Variants in ANKRD10 observed in about 807,000 individuals in gnomAD.
The protein encoded by ANKRD10 is ankyrin repeat domain 10.
Under a neutral mutation model 27.0 loss-of-function variants are expected in ANKRD10, and 14 were observed. The observed-to-expected ratio is 0.52, with a 90% CI of 0.34 to 0.81. The LOEUF is 0.81. Among genes scored for constraint, ANKRD10 ranks in the 40% least tolerant of loss-of-function variants. The pLI, the probability that ANKRD10 is intolerant of heterozygous loss-of-function variation, is 0.01. For missense variants in ANKRD10, 493 were observed against 544.0 expected, an observed-to-expected ratio of 0.91 and a Z score of 0.93; for synonymous variants, 250 against 224.5, an observed-to-expected ratio of 1.11 and a Z score of -1.01.
chr13:110,882,621 G>A (rs1300400581), intron 5 of ANKRD10, among the ~76,000 whole-genome samples: 1 of 152,194 alleles, frequency 6.6e-6, no homozygotes, highest in African/African-American at 2.4e-5. Flanking sequence ...CAGGATTTGA[G>A]TTTTGTTATG....
intron 4 of ANKRD10, among the ~76,000 whole-genome samples, chr13:110,887,299 G>GA (rs1242604026): frequency 6.6e-6 from 1 of 152,164 alleles, no homozygotes; most frequent in East Asian, 1.9e-4. Context: ...TTGAAACCAT[G>GA]AAAAAAGTCT....
intron 3 of ANKRD10, chr13:110,905,010 A>G (rs1217359370): frequency 6.6e-6 from 1 of 152,258 alleles, no homozygotes; most frequent in Non-Finnish European, 1.5e-5. Context: ...AATGAAATGG[A>G]AACCAAAGGG....
At chr13:110,885,294 T>C (rs1333852381) in intron 4 of ANKRD10, among the ~76,000 whole-genome samples, 8 of 151,962 alleles carry the variant, frequency 5.3e-5, no homozygotes, top group African/African-American at 1.7e-4. Flanking sequence ...GGCTCATGCC[T>C]GTAATCCCAG....
At chr13:110,894,970 T>A (rs1320022440) in intron 3 of ANKRD10, 1 of 152,332 alleles carries the variant, frequency 6.6e-6, no homozygotes, top group South Asian at 2.1e-4. Flanking sequence ...GACTTTTTTT[T>A]AATGGTATAT....
chr13:110,906,660 G>T (rs888837353), intron 2 of ANKRD10, among the ~76,000 whole-genome samples: 1 of 152,020 alleles, frequency 6.6e-6, no homozygotes, highest in African/African-American at 2.4e-5. Flanking sequence ...GATGGCTTGA[G>T]GTTCAACAGT....
chr13:110,890,204 GGTCA>G (rs1460493185), intron 4 of ANKRD10, among the ~76,000 whole-genome samples: 1 of 151,928 alleles, frequency 6.6e-6, no homozygotes, highest in Non-Finnish European at 1.5e-5. Context: ...CTAAAAAACT[GGTCA>G]GTTAATATGG....
chr13:110,893,363 TAAACAAATTCA>T, intron 3 of ANKRD10, 100 bp from the exon 4 acceptor site: 1 of 1,110,060 alleles, frequency 9.0e-7, no homozygotes, highest in East Asian at 2.6e-5. Context: ...TATGAAAGAG[TAAACAAATTCA>T]TAGCAAATCT....
chr13:110,913,794 TAAG>T (rs1342243287), intron 1 of ANKRD10, among the ~76,000 whole-genome samples: 1 of 152,178 alleles, frequency 6.6e-6, no homozygotes, highest in Non-Finnish European at 1.5e-5. Flanking sequence ...TTCAGTGAAT[TAAG>T]AAATATTAAT....
intron 5 of ANKRD10, 31 bp downstream of exon 5, chr13:110,883,667 T>C (rs1246725394): frequency 1.2e-6 from 2 of 1,612,428 alleles, no homozygotes; most frequent in South Asian, 2.2e-5. Context: ...TGGATTGTTG[T>C]TGCAGCTAAC....
At chr13:110,914,347 C>G (rs1302341196) in intron 1 of ANKRD10, among the ~76,000 whole-genome samples, 4 of 152,154 alleles carry the variant, frequency 2.6e-5, no homozygotes, top group Non-Finnish European at 5.9e-5. Flanking sequence ...GCTCGCGCCT[C>G]CGGCCCGGCC....
chr13:110,888,479 T>C (rs2064992636), intron 4 of ANKRD10, among the ~76,000 whole-genome samples: 1 of 152,146 alleles, frequency 6.6e-6, no homozygotes, highest in Admixed American at 6.6e-5. Flanking sequence ...ACAAATATAC[T>C]GCAAATTTGA....
At chr13:110,885,638 C>T (rs931501100) in intron 4 of ANKRD10, among the ~76,000 whole-genome samples, 1 of 152,128 alleles carries the variant, frequency 6.6e-6, no homozygotes, top group African/African-American at 2.4e-5. Flanking sequence ...CCAAAGTCGT[C>T]TCAACCTCCA....
chr13:110,910,771 C>T lies in ANKRD10; in HGVS notation c.211-1G>A. On this transcript the variant is annotated splice_acceptor_variant, in intron 1 of 5. Coordinates refer to ENST00000267339, the MANE Select transcript of ANKRD10 (RefSeq NM_017664.4). LOFTEE classifies it high-confidence loss of function. ...TCACCAACTGCACTAAGCACTCCAACTTCGAAAACAAGAGGGGTAATGAAA... is the reference window on the plus strand; with the variant it reads ...TCACCAACTGCACTAAGCACTCCAATTTCGAAAACAAGAGGGGTAATGAAA... 1.2e-6 allele frequency: 2 copies of T among 1,612,500 alleles called. No individual in the cohort carries two copies. Among genetic ancestry groups the T allele is most frequent in the Non-Finnish European group, 1.7e-6 (2 of 1,179,386 alleles).
intron 1 of ANKRD10, among the ~76,000 whole-genome samples, chr13:110,912,513 C>A (rs1288392220): frequency 6.6e-6 from 1 of 152,222 alleles, no homozygotes; most frequent in African/African-American, 2.4e-5. Flanking sequence ...ATGAAAATCA[C>A]TTGGCGTACC....
intron 3 of ANKRD10, among the ~76,000 whole-genome samples, chr13:110,896,586 A>C (rs911114991): frequency 6.6e-6 from 1 of 152,218 alleles, no homozygotes; most frequent in Non-Finnish European, 1.5e-5. Context: ...GCCTGAAATG[A>C]TCATTAAGGA....
chr13:110,905,783 A>C, intron 3 of ANKRD10, among the ~76,000 whole-genome samples: 1 of 152,242 alleles, frequency 6.6e-6, no homozygotes, highest in East Asian at 1.9e-4. Flanking sequence ...TAATTAGTTA[A>C]CTGTTCTTTC....
intron 4 of ANKRD10, among the ~76,000 whole-genome samples, chr13:110,891,368 C>T (rs1452574808): frequency 6.6e-6 from 1 of 152,104 alleles, no homozygotes; most frequent in Non-Finnish European, 1.5e-5. Context: ...GAATACATCA[C>T]CATTAAAAAA....
chr13:110,903,817 C>T (rs76522827), intron 3 of ANKRD10, among the ~76,000 whole-genome samples: 1,766 of 152,086 alleles, frequency 0.012, 18 homozygotes, highest in Non-Finnish European at 0.02. Context: ...ATAATCTCGT[C>T]CATTCTGAAT....
chr13:110,912,413 T>C (rs1284674435), intron 1 of ANKRD10, among the ~76,000 whole-genome samples: 1 of 152,248 alleles, frequency 6.6e-6, no homozygotes, highest in Non-Finnish European at 1.5e-5. Context: ...CTGATGTCTA[T>C]TTATTGCCTT....
Sources: allele counts gnomAD v4.1 joint callset (sites outside exome capture counted in the v4.1 genomes callset), GRCh38; gene constraint gnomAD v4.1.1; transcripts MANE v1.5; gene names NCBI Gene and HGNC (gene_info 2026-07-23, HGNC 2026-07-21).